NAV1: variants seen among roughly 807,000 people sequenced by gnomAD.
NAV1 encodes the protein pore membrane and/or filament interacting like protein 3.
NAV1 carries 18 observed loss-of-function variants against 175.2 expected under a neutral mutation model. That is an observed-to-expected ratio of 0.10 (90% CI 0.07 to 0.15). NAV1 has a LOEUF of 0.15. Among genes scored for constraint, NAV1 ranks in the 10% least tolerant of loss-of-function variants. NAV1 has a pLI of 1.00. For missense variants in NAV1, 1,731 were observed against 2,436.6 expected, an observed-to-expected ratio of 0.71 and a Z score of 6.10; for synonymous variants, 897 against 978.7, an observed-to-expected ratio of 0.92 and a Z score of 1.56.
chr1:201,631,118 AG>A (rs1265104057), intron 2 of NAV1, among the ~76,000 whole-genome samples: 1 of 152,190 alleles, frequency 6.6e-6, no homozygotes, highest in Admixed American at 6.5e-5. Context: ...TTACCAGAAA[AG>A]TGAGAAACAC....
At chr1:201,768,499 G>T (rs567910733) in intron 3 of NAV1, among the ~76,000 whole-genome samples, 1 of 151,776 alleles carries the variant, frequency 6.6e-6, no homozygotes, top group South Asian at 2.1e-4. Context: ...TTAGCCAGGC[G>T]CAGTGGTGCG....
intron 1 of NAV1, among the ~76,000 whole-genome samples, chr1:201,667,504 G>C (rs919541713): frequency 1.3e-5 from 2 of 152,178 alleles, no homozygotes; most frequent in African/African-American, 2.4e-5. Context: ...CACCCAGCCG[G>C]TGAGTGGCAG....
chr1:201,545,005 G>A (rs115407775), intron 1 of NAV1, among the ~76,000 whole-genome samples: 1,775 of 152,306 alleles, frequency 0.012, 19 homozygotes, highest in Non-Finnish European at 0.021. Context: ...GGAAATATTG[G>A]CAATTGAAAT....
At chr1:201,658,691 C>A (rs1235937316) in intron 1 of NAV1, among the ~76,000 whole-genome samples, 2 of 152,156 alleles carry the variant, frequency 1.3e-5, no homozygotes, top group African/African-American at 4.8e-5. Context: ...AAGTTCGTCC[C>A]CAAAGGATCC....
rs1364459869 is a variant in NAV1 at position 201,788,254 on chromosome 1, T to C, written c.2996-214T>C. On this transcript the variant is annotated intron_variant, in intron 9 of 29. Transcript: ENST00000367296. This position sits in a 1 kb window ranked among gnomAD's most constrained non-coding sequence, Gnocchi z 5.7. ...TCCAGACAGCAGGGTCCTTCTCCATTAGGGCTTGATCTCCCCAGGAGGGAC... is the reference window on the plus strand; with the variant it reads ...TCCAGACAGCAGGGTCCTTCTCCATCAGGGCTTGATCTCCCCAGGAGGGAC... 6.6e-6 allele frequency among the ~76,000 whole-genome samples: 1 copy of C among 152,082 alleles called. No individual in the cohort carries two copies. The highest frequency in any genetic ancestry group is 2.4e-5 in the African/African-American group (1 of 41,410).
rs1301999893 is a variant in NAV1 at position 201,539,751 on chromosome 1, T to C, written c.-144+409T>C. 6.6e-6 allele frequency among the ~76,000 whole-genome samples: 1 copy of C among 152,188 alleles called. No homozygotes were observed. Among genetic ancestry groups the C allele is most frequent in the African/African-American group, 2.4e-5 (1 of 41,456 alleles). On this transcript the variant is annotated intron_variant, in intron 1 of 33. Transcript: ENST00000685211. The surrounding 1 kb of genome is among the most constrained non-coding windows in gnomAD (Gnocchi z 5.6). ...GCACCCACACGGCAAGCACACACCCTACCCGCACCTCTGCCTTTCGTTGAA... is the reference window on the plus strand; with the variant it reads ...GCACCCACACGGCAAGCACACACCCCACCCGCACCTCTGCCTTTCGTTGAA...
intron 1 of NAV1, among the ~76,000 whole-genome samples, chr1:201,558,854 T>G (rs1276723130): frequency 6.6e-5 from 10 of 152,194 alleles, no homozygotes; most frequent in African/African-American, 2.4e-4. Context: ...TGTGTTCCTC[T>G]TTGGGGTCTG....
chr1:201,679,121 C>T (rs1292950672), intron 1 of NAV1, among the ~76,000 whole-genome samples: 7 of 152,206 alleles, frequency 4.6e-5, no homozygotes, highest in Admixed American at 6.5e-5. Flanking sequence ...GGGGAGCCAA[C>T]CTCCTGAGCC....
chr1:201,802,457 T>TAAAAAAAAAA (rs34494216), intron 15 of NAV1, among the ~76,000 whole-genome samples: 2 of 101,086 alleles, frequency 2.0e-5, no homozygotes, highest in African/African-American at 4.1e-5. Flanking sequence ...CCTGTCTCAT[T>TAAAAAAAAAA]AAAAAAAAAA....
chr1:201,672,786 A>G (rs546235047), intron 1 of NAV1, among the ~76,000 whole-genome samples: 7 of 152,350 alleles, frequency 4.6e-5, no homozygotes, highest in Admixed American at 2.6e-4. Context: ...CAGGACTCAG[A>G]TGCTTCTGGA....
chr1:201,732,800 G>A (rs1294451355), intron 3 of NAV1, among the ~76,000 whole-genome samples: 1 of 152,230 alleles, frequency 6.6e-6, no homozygotes, highest in Non-Finnish European at 1.5e-5. Context: ...GCCAGGTGTG[G>A]TGGGTCACGC....
chr1:201,705,126 C>T (rs1671614088), intron 1 of NAV1, among the ~76,000 whole-genome samples: 1 of 152,140 alleles, frequency 6.6e-6, no homozygotes, highest in African/African-American at 2.4e-5. Flanking sequence ...ACCCTCTTTA[C>T]GTGTTCTAAG....
intron 13 of NAV1, chr1:201,793,202 A>T (rs1021523041): frequency 6.5e-6 from 1 of 152,730 alleles, no homozygotes; most frequent in African/African-American, 2.4e-5. Flanking sequence ...TCCTCATGAA[A>T]CAGACCTGAC....
intron 22 of NAV1, 65 bp from the exon 27 acceptor site, chr1:201,809,880 CT>C: frequency 2.8e-6 from 4 of 1,442,552 alleles, no homozygotes; most frequent in Non-Finnish European, 2.9e-6. Flanking sequence ...GATAGACATT[CT>C]TTGTTGTGGC....
exon 30 of NAV1, chr1:201,826,387 C>T (rs912912536): frequency 2.0e-5 from 3 of 152,172 alleles, no homozygotes; most frequent in African/African-American, 7.2e-5. Flanking sequence ...GCAGTGGCTC[C>T]CACTTTCTAA....
chr1:201,802,123 C>T (rs1324848594), intron 15 of NAV1, among the ~76,000 whole-genome samples: 2 of 47,140 alleles, frequency 4.2e-5, no homozygotes, highest in Non-Finnish European at 5.8e-5. Flanking sequence ...GGCGACAGAG[C>T]GAGACTCCGT....
intron 1 of NAV1, among the ~76,000 whole-genome samples, chr1:201,658,135 C>T (rs1669475575): frequency 6.6e-6 from 1 of 152,192 alleles, no homozygotes; most frequent in African/African-American, 2.4e-5. Context: ...TCAAGACTCC[C>T]TCAAACATTG....
chr1:201,562,540 G>T lies in NAV1; in HGVS notation c.-144+23198G>T, dbSNP rs534956697. Among the ~76,000 whole-genome samples, 17 of 152,298 alleles carry T rather than the reference G, an allele frequency of 1.1e-4. No homozygotes were observed. The South Asian group carries it at 3.5e-3, about 32-fold the overall frequency. Reference sequence around the variant, plus strand: ...GCCCTGGGCAGGACAGGGTTAGTGGGCCAGGCCCAGGTGGGCAGTGGTCCT... The same window carrying T: ...GCCCTGGGCAGGACAGGGTTAGTGGTCCAGGCCCAGGTGGGCAGTGGTCCT... On this transcript the variant is annotated intron_variant, in intron 1 of 33. Transcript: ENST00000685211.
chr1:201,603,453 C>G (rs1440478452), intron 2 of NAV1, among the ~76,000 whole-genome samples: 1 of 152,178 alleles, frequency 6.6e-6, no homozygotes, highest in African/African-American at 2.4e-5. Context: ...CCCTACTGCC[C>G]TTTGCTTCTG....
Sources: gnomAD v4.1 joint callset for allele counts (sites outside exome capture counted in the v4.1 genomes callset) on GRCh38, gnomAD v4.1.1 for gene constraint, Gnocchi (gnomAD v3.1) non-coding constraint, MANE v1.5 for transcripts, NCBI Gene and HGNC (gene_info 2026-07-23, HGNC 2026-07-21) for gene names.